The following NRG3 variants were observed in gnomAD, a reference collection of about 807,000 sequenced individuals.
NRG3 encodes neuregulin 3.
A neutral mutation model predicts 66.9 loss-of-function variants in NRG3; 31 were observed. The ratio of observed to expected loss-of-function variants is 0.46; its 90% confidence interval spans 0.35 to 0.63. NRG3 has a LOEUF of 0.63. Among genes scored for constraint, NRG3 ranks in the 20% least tolerant of loss-of-function variants. The pLI is 0.00. For synonymous variants in NRG3, 393 were observed against 359.4 expected, an observed-to-expected ratio of 1.09 and a Z score of -1.06; for missense variants, 910 against 878.9, an observed-to-expected ratio of 1.04 and a Z score of -0.45.
Position 82,687,191 on chromosome 10 carries a change from A to G in NRG3, c.954-51386A>G, listed in dbSNP as rs565588067. Among the ~76,000 whole-genome samples the G allele has an allele frequency of 1.2e-4, 18 of 152,312 alleles. No homozygotes were observed. The South Asian group carries it at 3.7e-3, about 32-fold the overall frequency. On this transcript the variant is annotated intron_variant, in intron 2 of 8. Coordinates refer to ENST00000372141, the MANE Select transcript of NRG3 (RefSeq NM_001010848.4). Reference sequence around the variant, plus strand: ...TCTTCCCAAGGCATAATGGGCTTCAAAATGTACTTTTCCCTGGTTCATGTT... The same window carrying G: ...TCTTCCCAAGGCATAATGGGCTTCAGAATGTACTTTTCCCTGGTTCATGTT...
intron 3 of NRG3, among the ~76,000 whole-genome samples, chr10:82,805,975 A>C (rs1331007122): frequency 6.6e-6 from 1 of 152,236 alleles, no homozygotes; most frequent in Non-Finnish European, 1.5e-5. Flanking sequence ...TTTTTCTGAA[A>C]CATCAACTGA....
In NRG3 at chr10:82,979,145, T is replaced by G. The variant is rs765843213; in HGVS notation, c.1583+25T>G. On this transcript the variant is annotated intron_variant, in intron 8 of 8. Coordinates refer to ENST00000372141, the MANE Select transcript of NRG3 (RefSeq NM_001010848.4). ...GGTAGGTCTTAAAACAGCAGTGGAA[T>G]TTAGGGAGGGTGTCTTTAATGCCAT... 8.7e-6 allele frequency: 14 copies of G among 1,610,454 alleles called. 1 individual carries two copies. The South Asian group carries it at 1.2e-4, about 14-fold the overall frequency.
At chr10:82,207,098 G>A (rs1394819606) in intron 1 of NRG3, among the ~76,000 whole-genome samples, 3 of 152,104 alleles carry the variant, frequency 2.0e-5, no homozygotes, top group Non-Finnish European at 4.4e-5. Context: ...AGTCTTTCTG[G>A]ATGAGTTGTT....
At chr10:82,230,122 A>G (rs917626754) in intron 1 of NRG3, 2 of 152,230 alleles carry the variant, frequency 1.3e-5, no homozygotes, top group African/African-American at 4.8e-5. Context: ...GAGAATAAAC[A>G]TTTTTGACTT....
chr10:82,197,636 G>A (rs2074516124), intron 1 of NRG3, among the ~76,000 whole-genome samples: 1 of 151,958 alleles, frequency 6.6e-6, no homozygotes, highest in African/African-American at 2.4e-5. Context: ...GTAATGTTAT[G>A]CCTGTATTTG....
rs556172185 is a variant in NRG3 at position 82,294,175 on chromosome 10, T to A, written c.824-64564T>A. ...TAACTTAATTTTAGCCTCAGTCTTCTCTGATGGAAACCATGCTTTAAACAT... is the reference window on the plus strand; with the variant it reads ...TAACTTAATTTTAGCCTCAGTCTTCACTGATGGAAACCATGCTTTAAACAT... On this transcript the variant is annotated intron_variant, in intron 1 of 8. Coordinates refer to ENST00000372141, the MANE Select transcript of NRG3 (RefSeq NM_001010848.4). 2.0e-5 allele frequency among the ~76,000 whole-genome samples: 3 copies of A among 152,322 alleles called. No individual in the cohort carries two copies. In the South Asian group the frequency reaches 6.2e-4, roughly 32 times the overall value.
chr10:82,777,305 A>C (rs2059947299), intron 3 of NRG3, among the ~76,000 whole-genome samples: 1 of 152,126 alleles, frequency 6.6e-6, no homozygotes, highest in South Asian at 2.1e-4. Flanking sequence ...CTTCCTGTTT[A>C]TGTTTACCCA....
chr10:82,252,107 G>T (rs1398299483), intron 1 of NRG3, among the ~76,000 whole-genome samples: 1 of 152,230 alleles, frequency 6.6e-6, no homozygotes, highest in African/African-American at 2.4e-5. Context: ...CAAGCACAGA[G>T]ATTCAGATTC....
At chr10:82,975,308 T>C (rs953757613) in intron 7 of NRG3, among the ~76,000 whole-genome samples, 1 of 152,228 alleles carries the variant, frequency 6.6e-6, no homozygotes, top group Non-Finnish European at 1.5e-5. Context: ...TAATTCAGTA[T>C]AATATCATTC....
At chr10:82,098,888 C>T (rs61864630) in intron 1 of NRG3, among the ~76,000 whole-genome samples, 17 of 152,090 alleles carry the variant, frequency 1.1e-4, no homozygotes, top group Non-Finnish European at 1.8e-4. Context: ...CTCAGCCTCC[C>T]GAGTAGCTGG....
rs545847462 is a variant in NRG3 at position 81,910,482 on chromosome 10, C to G, written c.823+34319C>G. On this transcript the variant is annotated intron_variant, in intron 1 of 8. Coordinates refer to ENST00000372141, the MANE Select transcript of NRG3 (RefSeq NM_001010848.4). ...TTAAACAACATGCATTAAATGTAAT[C>G]TATGGGAAGCCACAAAATATTTTGC... Among the ~76,000 whole-genome samples the G allele has an allele frequency of 8.5e-5, 13 of 152,258 alleles. No homozygotes were observed. In the South Asian group the frequency reaches 2.7e-3, roughly 32 times the overall value.
chr10:81,920,433 A>G (rs550732806), intron 1 of NRG3, among the ~76,000 whole-genome samples: 14 of 152,054 alleles, frequency 9.2e-5, no homozygotes, highest in Admixed American at 8.5e-4. Context: ...GCCTCCCTCT[A>G]GTCTCCTTCC....
intron 2 of NRG3, among the ~76,000 whole-genome samples, chr10:82,638,986 G>A (rs369123987): frequency 2.6e-5 from 4 of 152,030 alleles, no homozygotes; most frequent in Non-Finnish European, 5.9e-5. Flanking sequence ...TCATTAGGTC[G>A]TTGAGCCTTT....
At chr10:82,362,309 T>G (rs1386735751) in intron 2 of NRG3, among the ~76,000 whole-genome samples, 1 of 148,704 alleles carries the variant, frequency 6.7e-6, no homozygotes, top group Admixed American at 6.8e-5. Flanking sequence ...TTTCCTAAAT[T>G]CAAAATATAA....
chr10:82,325,243 GA>G (rs137874039), intron 1 of NRG3, among the ~76,000 whole-genome samples: 3,373 of 151,436 alleles, frequency 0.022, 49 homozygotes, highest in African/African-American at 0.039. Context: ...GTGCAGTGGT[GA>G]GATCATGGTT....
chr10:82,338,285 A>C (rs2082496664), intron 1 of NRG3, among the ~76,000 whole-genome samples: 1 of 149,910 alleles, frequency 6.7e-6, no homozygotes, highest in African/African-American at 2.5e-5. Flanking sequence ...GTAATAGCAC[A>C]TGAGAAATCC....
intron 1 of NRG3, among the ~76,000 whole-genome samples, chr10:82,138,624 C>A (rs1363827077): frequency 6.6e-6 from 1 of 152,096 alleles, no homozygotes; most frequent in African/African-American, 2.4e-5. Flanking sequence ...CCACGATAGG[C>A]CATCTGCAAG....
intron 1 of NRG3, among the ~76,000 whole-genome samples, chr10:82,091,384 C>T (rs1025198948): frequency 1.3e-5 from 2 of 152,122 alleles, no homozygotes; most frequent in Non-Finnish European, 2.9e-5. Flanking sequence ...ATGAATTTGC[C>T]TGTTTTAGGT....
At chr10:82,500,897 A>G (rs963787986) in intron 2 of NRG3, among the ~76,000 whole-genome samples, 6 of 152,272 alleles carry the variant, frequency 3.9e-5, no homozygotes, top group African/African-American at 1.4e-4. Context: ...AAAGGTCTAG[A>G]TGGTAGATGG....
Sources: gnomAD v4.1 joint callset for allele counts (sites outside exome capture counted in the v4.1 genomes callset) on GRCh38, gnomAD v4.1.1 for gene constraint, MANE v1.5 for transcripts, NCBI Gene and HGNC (gene_info 2026-07-23, HGNC 2026-07-21) for gene names.